Variants in OLFM3 observed in about 807,000 individuals in gnomAD.
The protein encoded by OLFM3 is olfactomedin 3.
In OLFM3, 20 loss-of-function variants were observed where a neutral mutation model predicts 48.6. The observed-to-expected ratio is 0.41, with a 90% CI of 0.29 to 0.60. The LOEUF is 0.60. Ranked by LOEUF, OLFM3 falls within the 20% of genes least tolerant of loss-of-function variation. OLFM3 has a pLI of 0.28. For missense variants in OLFM3, 437 were observed against 544.3 expected (o/e 0.80, Z 1.96); for synonymous variants, 222 against 198.1 (o/e 1.12, Z -1.01).
At chr1:101,879,339 G>A (rs979168261) in intron 1 of OLFM3, among the ~76,000 whole-genome samples, 1 of 151,722 alleles carries the variant, frequency 6.6e-6, no homozygotes, top group Non-Finnish European at 1.5e-5. Flanking sequence ...TCTTATTCTT[G>A]ATCATACCAC....
intron 1 of OLFM3, among the ~76,000 whole-genome samples, chr1:101,988,878 CA>C (rs1661321959): frequency 6.6e-6 from 1 of 151,900 alleles, no homozygotes; most frequent in African/African-American, 2.4e-5. Flanking sequence ...AATACTATTT[CA>C]AAAAGAAAAG....
rs1215588189 is a variant in OLFM3, at chr1:101,991,016, A to AATATATATAT, written c.69+5722_69+5731dup. Among the ~76,000 whole-genome samples the AATATATATAT allele has an allele frequency of 2.9e-3, 92 of 32,224 alleles. 1 individual carries two copies. The highest frequency in any genetic ancestry group is 3.5e-3 in the Non-Finnish European group (67 of 19,266). The allele number at this position is 32,224 out of a possible 152,430, so 21.1% of individuals were successfully genotyped here. ...AAAAAAAAAAAAAAAAAAAAAAAAA[A>AATATATATAT]ATATATATATATATATATATATATA... is the stretch of plus-strand genomic sequence containing the variant. On this transcript the variant is annotated intron_variant, in intron 1 of 5. Coordinates refer to ENST00000370103, the MANE Select transcript of OLFM3 (RefSeq NM_058170.4).
At chr1:101,986,166 A>G (rs542078800) in intron 1 of OLFM3, among the ~76,000 whole-genome samples, 4 of 151,824 alleles carry the variant, frequency 2.6e-5, no homozygotes, top group African/African-American at 9.7e-5. Context: ...GGGGTTTCAC[A>G]GTGTTAGCCA....
intron 1 of OLFM3, among the ~76,000 whole-genome samples, chr1:101,842,648 C>T (rs1655784494): frequency 6.6e-6 from 1 of 152,046 alleles, no homozygotes; most frequent in South Asian, 2.1e-4. Flanking sequence ...ATATTTAGTC[C>T]CATGTCTTTC....
At chr1:101,806,575 C>T (rs578179352) in intron 4 of OLFM3, among the ~76,000 whole-genome samples, 2 of 151,836 alleles carry the variant, frequency 1.3e-5, no homozygotes, top group East Asian at 1.9e-4. Context: ...TTCCCCTGTC[C>T]CCATGCTTTG....
chr1:101,986,620 T>A (rs1306483846), intron 1 of OLFM3, among the ~76,000 whole-genome samples: 3 of 152,234 alleles, frequency 2.0e-5, no homozygotes, highest in Non-Finnish European at 4.4e-5. Flanking sequence ...TCTTTTCCAA[T>A]ATCATTATGT....
At chr1:101,986,438 C>A (rs574824488) in intron 1 of OLFM3, among the ~76,000 whole-genome samples, 1 of 152,178 alleles carries the variant, frequency 6.6e-6, no homozygotes, top group South Asian at 2.1e-4. Flanking sequence ...TTGTAAGTTC[C>A]CTGCTTTTCT....
chr1:101,946,844 G>A (rs973970580), intron 1 of OLFM3, among the ~76,000 whole-genome samples: 5 of 152,122 alleles, frequency 3.3e-5, no homozygotes, highest in African/African-American at 9.7e-5. Context: ...TTAAATAAGT[G>A]TATACTTACA....
intron 1 of OLFM3, among the ~76,000 whole-genome samples, chr1:101,929,026 A>G (rs1659364598): frequency 6.6e-6 from 1 of 152,112 alleles, no homozygotes; most frequent in Admixed American, 6.6e-5. Context: ...ATTCTGATGA[A>G]AATTAGAGTA....
chr1:101,856,968 A>G (rs772725663), intron 1 of OLFM3, among the ~76,000 whole-genome samples: 2 of 151,986 alleles, frequency 1.3e-5, no homozygotes, highest in Non-Finnish European at 2.9e-5. Flanking sequence ...GGAAAAGATA[A>G]TGCTTGAGTT....
chr1:101,951,418 C>A (rs754118895), intron 1 of OLFM3, among the ~76,000 whole-genome samples: 1 of 152,098 alleles, frequency 6.6e-6, no homozygotes, highest in African/African-American at 2.4e-5. Flanking sequence ...GTGTATGTAG[C>A]TTAGCCCTCA....
At position 101,941,879 on chromosome 1, in the gene OLFM3, A is replaced by T. The variant is rs112151457; in HGVS notation, c.69+54869T>A. Reference sequence around the variant, plus strand: ...TTATCAGATAGAAGACCATGCTCTTAAAAAGATACCAGTAAAACTAACTTA... The same window carrying T: ...TTATCAGATAGAAGACCATGCTCTTTAAAAGATACCAGTAAAACTAACTTA... On this transcript the variant is annotated intron_variant, in intron 1 of 5. Coordinates refer to ENST00000370103, the MANE Select transcript of OLFM3 (RefSeq NM_058170.4). 7.2e-4 allele frequency among the ~76,000 whole-genome samples: 110 copies of T among 152,316 alleles called. 1 individual carries two copies. The highest frequency in any genetic ancestry group is 2.3e-3 in the African/African-American group (96 of 41,560).
At chr1:101,857,670 T>G (rs754661847) in intron 1 of OLFM3, among the ~76,000 whole-genome samples, 4 of 151,836 alleles carry the variant, frequency 2.6e-5, no homozygotes, top group Admixed American at 6.6e-5. Flanking sequence ...TTCCTTCTTT[T>G]CTACCTCTTT....
intron 1 of OLFM3, among the ~76,000 whole-genome samples, chr1:101,986,470 T>C (rs1484893971): frequency 3.9e-5 from 6 of 152,176 alleles, no homozygotes; most frequent in Non-Finnish European, 4.4e-5. Flanking sequence ...TGGTACTCTG[T>C]CCACAATACT....
chr1:101,979,095 G>T (rs1259547936), intron 1 of OLFM3, among the ~76,000 whole-genome samples: 1 of 152,078 alleles, frequency 6.6e-6, no homozygotes, highest in Non-Finnish European at 1.5e-5. Flanking sequence ...TGTCTTGTGG[G>T]GGGGCATGCA....
At chr1:101,841,405 GT>G (rs1268887399) in intron 1 of OLFM3, among the ~76,000 whole-genome samples, 2 of 152,156 alleles carry the variant, frequency 1.3e-5, no homozygotes, top group Non-Finnish European at 2.9e-5. Context: ...GCTTTCCCCA[GT>G]TTTTAGCCCA....
intron 1 of OLFM3, among the ~76,000 whole-genome samples, chr1:101,884,921 G>A (rs1657686956): frequency 6.6e-6 from 1 of 150,964 alleles, no homozygotes; most frequent in Admixed American, 6.6e-5. Context: ...CTGTAGATGA[G>A]AAGGTCATAA....
chr1:101,976,919 G>A (rs1377754409), intron 1 of OLFM3, among the ~76,000 whole-genome samples: 1 of 152,066 alleles, frequency 6.6e-6, no homozygotes, highest in Non-Finnish European at 1.5e-5. Flanking sequence ...TATTTTACTA[G>A]AAGTGATACA....
chr1:101,812,160 G>T, intron 4 of OLFM3, among the ~76,000 whole-genome samples: 1 of 151,192 alleles, frequency 6.6e-6, no homozygotes, highest in African/African-American at 2.4e-5. Context: ...ACAGGAAGGG[G>T]AACATCACAC....
Sources: gnomAD v4.1 joint callset for allele counts (sites outside exome capture counted in the v4.1 genomes callset) on GRCh38, gnomAD v4.1.1 for gene constraint, MANE v1.5 for transcripts, NCBI Gene and HGNC (gene_info 2026-07-23, HGNC 2026-07-21) for gene names.